Variants in PCDHGB2 observed in about 807,000 individuals in gnomAD.
The protein encoded by PCDHGB2 is protocadherin gamma-B2.
In PCDHGB2, 55 loss-of-function variants were observed where a neutral mutation model predicts 59.3. The ratio of observed to expected loss-of-function variants is 0.93; its 90% CI spans 0.75 to 1.16. The LOEUF (loss-of-function observed/expected upper bound fraction) is 1.16, where lower values mean the gene tolerates loss of function less well. Ranked by LOEUF, PCDHGB2 falls within the 50% of genes most tolerant of loss-of-function variation. The probability of loss-of-function intolerance (pLI) is 0.00; values close to 1 mark genes in which losing one functional copy is unlikely to be tolerated. For missense variants in PCDHGB2, 1,228 were observed against 1,198.5 expected (o/e 1.02, Z -0.36); for synonymous variants, 516 against 512.0 (o/e 1.01, Z -0.11).
intron 1 of PCDHGB2, chr5:141,423,466 G>C (rs770939556): frequency 1.2e-6 from 2 of 1,613,904 alleles, no homozygotes; most frequent in Admixed American, 3.3e-5. Context: ...CGTGGACGGG[G>C]TACAGGCTTT....
At position 141,449,274 on chromosome 5, in the gene PCDHGB2, T is replaced by C. The variant is rs569352843; in HGVS notation, c.2422-45533T>C. 3.9e-5 allele frequency among the ~76,000 whole-genome samples: 6 copies of C among 152,260 alleles called. No individual in the cohort carries two copies. In the East Asian group the frequency reaches 1.2e-3, roughly 29 times the overall value. On this transcript the variant is annotated intron_variant, in intron 1 of 3. Transcript: ENST00000522605. ...GAATTGTACAAAGAACTGTATCTCC[T>C]TCACCCGGATGCACCGGGTGAATTA...
intron 1 of PCDHGB2, chr5:141,421,860 C>G: frequency 8.1e-6 from 13 of 1,613,750 alleles, no homozygotes; most frequent in Non-Finnish European, 1.1e-5. Context: ...CTCACCTGCT[C>G]CTCCTCACAG....
chr5:141,424,084 A>G, intron 1 of PCDHGB2: 1 of 929,764 alleles, frequency 1.1e-6, no homozygotes, highest in Non-Finnish European at 1.3e-6. Context: ...ATATTCCACC[A>G]TTATTTGCTA....
chr5:141,430,949 GT>G (rs1391027030), intron 1 of PCDHGB2: 5 of 1,610,510 alleles, frequency 3.1e-6, no homozygotes, highest in Non-Finnish European at 4.2e-6. Flanking sequence ...GGAGCGCGGA[GT>G]CCGCATCATC....
intron 3 of PCDHGB2, among the ~76,000 whole-genome samples, chr5:141,507,625 G>C (rs2099862215): frequency 6.6e-6 from 1 of 152,256 alleles, no homozygotes; most frequent in Non-Finnish European, 1.5e-5. Context: ...AGCTGTTGTG[G>C]CCTTGCGCCC....
At chr5:141,440,579 C>G (rs1004258822) in intron 1 of PCDHGB2, 12 of 152,188 alleles carry the variant, frequency 7.9e-5, no homozygotes, top group African/African-American at 2.7e-4. Flanking sequence ...TGAGTTTACC[C>G]AGCTGGAACA....
At chr5:141,502,008 C>T (rs753492460) in intron 2 of PCDHGB2, among the ~76,000 whole-genome samples, 6 of 152,086 alleles carry the variant, frequency 3.9e-5, no homozygotes, top group Non-Finnish European at 8.8e-5. Context: ...AACCCGCATG[C>T]TCTCCTCCCT....
intron 1 of PCDHGB2, chr5:141,414,623 C>G: frequency 6.2e-7 from 1 of 1,613,938 alleles, no homozygotes; most frequent in South Asian, 1.1e-5. Context: ...GCGCTGGACC[C>G]GGACAGCAAA....
At chr5:141,364,102 A>G in intron 1 of PCDHGB2, 1 of 409,744 alleles carries the variant, frequency 2.4e-6, no homozygotes, top group Non-Finnish European at 4.3e-6. Context: ...TGATGCAGTC[A>G]CTGGTTAGGA....
rs530622003 is a variant in PCDHGB2, at chr5:141,437,077, T to G, written c.2422-57730T>G. ...TGATCATTATTTGGTTTGGGCCATA[T>G]AAGAATTGAAACTAACGGCTTAGCT... On this transcript the variant is annotated intron_variant, in intron 1 of 3. Transcript: ENST00000522605. Among the ~76,000 whole-genome samples, 107 of 152,372 alleles carry G rather than the reference T, an allele frequency of 7.0e-4. 1 individual carries two copies. The highest frequency in any genetic ancestry group is 6.4e-3 in the South Asian group (31 of 4,828).
intron 1 of PCDHGB2, among the ~76,000 whole-genome samples, chr5:141,481,126 A>G (rs2099532217): frequency 6.6e-6 from 1 of 152,222 alleles, no homozygotes. Context: ...CATTTAGCAT[A>G]TTTGTGAAGT....
chr5:141,462,911 T>C (rs1263378930), intron 1 of PCDHGB2, among the ~76,000 whole-genome samples: 1 of 152,248 alleles, frequency 6.6e-6, no homozygotes, highest in Non-Finnish European at 1.5e-5. Flanking sequence ...ATTATGTTTT[T>C]TGCAGATCAG....
At chr5:141,364,450 CA>C (rs754806491) in intron 1 of PCDHGB2, 3 of 1,613,980 alleles carry the variant, frequency 1.9e-6, no homozygotes, top group Non-Finnish European at 2.5e-6. Context: ...AGGAGCTGGA[CA>C]AAGGCTCCTT....
Position 141,511,072 on chromosome 5 carries a change from A to C in PCDHGB2, c.2695A>C (p.Ser899Arg). The C allele has an allele frequency of 6.2e-7, 1 of 1,614,252 alleles. No individual in the cohort carries two copies. Among genetic ancestry groups the C allele is most frequent in the Non-Finnish European group, 8.5e-7 (1 of 1,180,034 alleles). Residue 899 changes from serine to arginine, a missense_variant, in exon 4 of 4, where the codon AGC (serine) becomes CGC (arginine). Ser to Arg is a moderately radical substitution (Grantham distance 110). This residue lies in a region of PCDHGB2 where 433 missense variants were observed against 441.8 expected (regional missense o/e 0.98). Coordinates refer to ENST00000522605, the MANE Select transcript of PCDHGB2 (RefSeq NM_018923.3). ...CCGCCAGAATGTCTACATCCCAGGC[A>C]GCAATGCCACACTGACCAACGCAGC... ...DYRQNVYIPG[S>R]NATLTNAAGK...
intron 1 of PCDHGB2, chr5:141,414,464 A>G (rs1331771342): frequency 1.2e-6 from 2 of 1,613,904 alleles, no homozygotes; most frequent in African/African-American, 1.3e-5. Context: ...ACAGCCACAG[A>G]TGGGGGAAGT....
At chr5:141,426,374 C>G (rs908991939) in intron 1 of PCDHGB2, 2 of 219,094 alleles carry the variant, frequency 9.1e-6, no homozygotes, top group East Asian at 1.0e-4. Flanking sequence ...GGGGCACCCT[C>G]GGAGCAGATC....
At chr5:141,402,971 T>C in intron 1 of PCDHGB2, 2 of 1,608,370 alleles carry the variant, frequency 1.2e-6, no homozygotes. Flanking sequence ...TCCAACCAAA[T>C]GCCAGCTCCG....
At position 141,424,020 on chromosome 5, in the gene PCDHGB2, C is replaced by A. The variant is rs1326303938; in HGVS notation, c.2421+61464C>A. ...TATATAGATACAAATTAATGATTCA[C>A]AAACACTTTTTATTTCCATTTCAAT... On this transcript the variant is annotated intron_variant, in intron 1 of 3. Coordinates refer to ENST00000522605, the MANE Select transcript of PCDHGB2 (RefSeq NM_018923.3). 3 of 1,050,122 alleles carry A rather than the reference C, an allele frequency of 2.9e-6. No individual in the cohort carries two copies. In the East Asian group the frequency reaches 2.2e-4, roughly 77 times the overall value. The allele number at this position is 1,050,122 out of a possible 1,614,324, so 65.1% of individuals were successfully genotyped here. A position where few individuals can be genotyped will look rare whatever the true frequency, so the allele number is the denominator to read the frequency against.
At chr5:141,469,792 A>G (rs989190786) in intron 1 of PCDHGB2, among the ~76,000 whole-genome samples, 1 of 152,194 alleles carries the variant, frequency 6.6e-6, no homozygotes, top group African/African-American at 2.4e-5. Flanking sequence ...GTTATTTGTA[A>G]TTGCAAAAAC....
Sources: gnomAD v4.1 joint callset for allele counts (sites outside exome capture counted in the v4.1 genomes callset) on GRCh38, gnomAD v4.1.1 for gene constraint, gnomAD v4.1.1 regional missense constraint, MANE v1.5 for transcripts, NCBI Gene and HGNC (gene_info 2026-07-23, HGNC 2026-07-21) for gene names.